TENM3: variants seen among roughly 807,000 people sequenced by gnomAD.
TENM3 encodes the protein teneurin transmembrane protein 3.
A neutral mutation model predicts 255.1 loss-of-function variants in TENM3; 63 were observed. The ratio of observed to expected loss-of-function variants is 0.25; its 90% CI spans 0.20 to 0.30. The LOEUF (loss-of-function observed/expected upper bound fraction) is 0.30, where lower values mean the gene tolerates loss of function less well. Among genes scored for constraint, TENM3 ranks in the 10% least tolerant of loss-of-function variants. The pLI is 1.00. For missense variants in TENM3, 2,929 were observed against 3,461.1 expected (o/e 0.85, Z 3.86); for synonymous variants, 1,306 against 1,322.3 (o/e 0.99, Z 0.27).
At chr4:181,715,716 A>G in the TENM3 span, among the ~76,000 whole-genome samples, 5 of 152,190 alleles carry the variant, frequency 3.3e-5, no homozygotes, top group Admixed American at 2.6e-4. Flanking sequence ...AGGACCTCCT[A>G]TCAATCATTG....
chr4:182,292,715 G>A (rs1761200787), intron 1 of TENM3, among the ~76,000 whole-genome samples: 1 of 152,188 alleles, frequency 6.6e-6, no homozygotes, highest in South Asian at 2.1e-4. Context: ...CCCAGGGGAT[G>A]CGCTCTCTGC....
the TENM3 span, among the ~76,000 whole-genome samples, chr4:181,710,934 G>A: frequency 6.6e-6 from 1 of 151,284 alleles, no homozygotes; most frequent in Non-Finnish European, 1.5e-5. Context: ...GGAGAAATAT[G>A]AGACATCTCT....
intron 1 of TENM3, among the ~76,000 whole-genome samples, chr4:182,251,409 G>A (rs889066408): frequency 2.6e-5 from 4 of 152,206 alleles, no homozygotes; most frequent in South Asian, 2.1e-4. Context: ...TCCAGGTTGC[G>A]GTGAGCCATG....
the TENM3 span, among the ~76,000 whole-genome samples, chr4:181,832,589 G>A: frequency 6.6e-6 from 1 of 152,156 alleles, no homozygotes; most frequent in African/African-American, 2.4e-5. Flanking sequence ...TCTATGGCTA[G>A]GAAGTATCTA....
chr4:182,195,232 C>T (rs1753771035), intron 1 of TENM3, among the ~76,000 whole-genome samples: 2 of 152,128 alleles, frequency 1.3e-5, no homozygotes, highest in South Asian at 2.1e-4. Flanking sequence ...AGGAAGCCCC[C>T]AAAACGTGCC....
chr4:182,561,413 A>G (rs1250391526), intron 3 of TENM3, among the ~76,000 whole-genome samples: 1 of 151,850 alleles, frequency 6.6e-6, no homozygotes, highest in African/African-American at 2.4e-5. Flanking sequence ...AGAACTATGC[A>G]GTACAATCTT....
chr4:181,860,723 G>A, the TENM3 span, among the ~76,000 whole-genome samples: 4 of 152,078 alleles, frequency 2.6e-5, no homozygotes, highest in Admixed American at 6.5e-5. Context: ...TTTTTATGGG[G>A]GCTCCGGGGT....
the TENM3 span, among the ~76,000 whole-genome samples, chr4:181,835,405 A>G: frequency 6.6e-6 from 1 of 152,232 alleles, no homozygotes; most frequent in Non-Finnish European, 1.5e-5. Flanking sequence ...TCATGGACAC[A>G]TATTTACACT....
chr4:181,686,592 C>T, the TENM3 span, among the ~76,000 whole-genome samples: 1 of 152,046 alleles, frequency 6.6e-6, no homozygotes, highest in Non-Finnish European at 1.5e-5. Flanking sequence ...AGACGTGGCT[C>T]CTGGTCTTCA....
chr4:181,850,193 C>A, the TENM3 span, among the ~76,000 whole-genome samples: 1 of 151,738 alleles, frequency 6.6e-6, no homozygotes, highest in Non-Finnish European at 1.5e-5. Context: ...TTTCTACTCT[C>A]CTTACTCTCA....
chr4:182,050,760 C>T, the TENM3 span, among the ~76,000 whole-genome samples: 2 of 151,892 alleles, frequency 1.3e-5, no homozygotes, highest in Admixed American at 6.6e-5. Context: ...GCCAAGACTG[C>T]ACCACAGCAC....
At chr4:182,063,067 A>G in the TENM3 span, among the ~76,000 whole-genome samples, 7 of 152,346 alleles carry the variant, frequency 4.6e-5, no homozygotes, top group East Asian at 1.4e-3. Context: ...AGAAAAAGTT[A>G]GTTAAGTAGT....
At chr4:181,603,277 A>T in the TENM3 span, among the ~76,000 whole-genome samples, 2 of 152,110 alleles carry the variant, frequency 1.3e-5, no homozygotes, top group African/African-American at 4.8e-5. Flanking sequence ...AGAGCAGAAA[A>T]CTTCAGTTGG....
chr4:181,919,888 C>G, the TENM3 span, among the ~76,000 whole-genome samples: 34 of 114,662 alleles, frequency 3.0e-4, no homozygotes, highest in South Asian at 0.01. Context: ...CCCCCCTCCC[C>G]CCACCCCACA....
At chr4:182,425,368 G>A (rs913202552) in intron 3 of TENM3, among the ~76,000 whole-genome samples, 6 of 152,200 alleles carry the variant, frequency 3.9e-5, no homozygotes, top group African/African-American at 1.4e-4. Context: ...GCTGAGATCT[G>A]GTCTAACTCA....
At chr4:181,698,200 T>C in the TENM3 span, among the ~76,000 whole-genome samples, 13 of 136,800 alleles carry the variant, frequency 9.5e-5, no homozygotes, top group South Asian at 2.9e-3. Flanking sequence ...GGTGACAGTG[T>C]GAGACTCTGT....
chr4:182,666,140 A>G (rs1235480812), intron 6 of TENM3, among the ~76,000 whole-genome samples: 2 of 152,232 alleles, frequency 1.3e-5, no homozygotes, highest in Non-Finnish European at 2.9e-5. Context: ...CAATCTCATC[A>G]TGAAACTTTA....
intron 3 of TENM3, among the ~76,000 whole-genome samples, chr4:182,543,945 C>T (rs911925215): frequency 6.6e-6 from 1 of 151,900 alleles, no homozygotes; most frequent in African/African-American, 2.4e-5. Flanking sequence ...AGGAGGTTGC[C>T]TTTTATTTTT....
chr4:182,363,317 ATGAG>A (rs946759452), intron 3 of TENM3, among the ~76,000 whole-genome samples: 44 of 152,052 alleles, frequency 2.9e-4, no homozygotes, highest in African/African-American at 8.5e-4. Context: ...GTATATATAT[ATGAG>A]TGTGTGTACA....
Sources: allele counts gnomAD v4.1 joint callset (sites outside exome capture counted in the v4.1 genomes callset), GRCh38; gene constraint gnomAD v4.1.1; transcripts MANE v1.5; gene names NCBI Gene and HGNC (gene_info 2026-07-23, HGNC 2026-07-21).